The following SYNE2 variants were observed in gnomAD, a reference collection of about 807,000 sequenced individuals.
SYNE2 encodes spectrin repeat containing nuclear envelope protein 2, also known as nesprin-2.
In SYNE2, 431 loss-of-function variants were observed where a neutral mutation model predicts 856.3. The ratio of observed to expected loss-of-function variants is 0.50; its 90% CI spans 0.47 to 0.55. The LOEUF is 0.55. SYNE2 is among the 20% of genes least tolerant of loss of function. The pLI is 0.00. For synonymous variants in SYNE2, 2,923 were observed against 2,872.3 expected, an observed-to-expected ratio of 1.02 and a Z score of -0.56; for missense variants, 8,129 against 8,023.2, an observed-to-expected ratio of 1.01 and a Z score of -0.50.
chr14:64,034,350 T>A (rs1477092070), intron 45 of SYNE2: 10 of 388,884 alleles, frequency 2.6e-5, no homozygotes, highest in East Asian at 3.6e-5. Context: ...TAACACTAAT[T>A]AAATTGCTAA....
At chr14:63,974,914 A>ATATATATATATATATATATATATATG (rs1260422403) in intron 11 of SYNE2, among the ~76,000 whole-genome samples, 2 of 85,522 alleles carry the variant, frequency 2.3e-5, no homozygotes, top group Non-Finnish European at 4.6e-5. Context: ...ATATATATAT[A>ATATATATATATATATATATATATATG]TATGTATCTT....
rs550851845 is a variant in SYNE2, at chr14:63,844,192, C to T, written c.-304-8309C>T. Among the ~76,000 whole-genome samples the T allele has an allele frequency of 2.7e-4, 41 of 152,274 alleles. No homozygotes were observed. In the South Asian group the frequency reaches 8.5e-3, roughly 32 times the overall value. ...GTGCTCCATCTATTGATCCCTCCAT[C>T]CCCCCAATCCTGACAATCACTGATC... On this transcript the variant is annotated intron_variant, in intron 1 of 23. Coordinates refer to the SYNE2 transcript ENST00000674003.
Position 64,098,003 on chromosome 14 carries a change from G to A in SYNE2, c.12163G>A (p.Asp4055Asn), listed in dbSNP as rs759989118. ...QILSLNQRKE[D>N]LLVDLKATVL... ...TCTGAGTTTGAACCAGAGAAAAGAA[G>A]ACCTGTTGGTGGACTTGAAGGCCAC... Residue 4055 changes from aspartate (D) to asparagine (N), a missense_variant, in exon 62 of 116, where the codon GAC (aspartate) becomes AAC (asparagine). Around this residue, in one of 3 missense-constraint regions of SYNE2, gnomAD observed 5,410 missense variants for 5,284.8 expected, o/e 1.02. Coordinates refer to ENST00000555002, the MANE Select transcript of SYNE2 (RefSeq NM_182914.3). 1.9e-6 allele frequency: 3 copies of A among 1,614,202 alleles called. No individual in the cohort carries two copies. The Admixed American group carries it at 5.0e-5, about 27-fold the overall frequency.
At position 64,137,967 on chromosome 14, in the gene SYNE2, C is replaced by T. The variant is rs150137142; in HGVS notation, c.14827C>T (p.Leu4943Phe). The T allele has an allele frequency of 3.7e-6, 6 of 1,613,748 alleles. No homozygotes were observed. The African/African-American group carries it at 6.7e-5, about 18-fold the overall frequency. ...DHELHRLQALLKHLLSYNRDS... is the reference protein window; with the variant it reads ...DHELHRLQALFKHLLSYNRDS... ...TGAGCTCCACAGGCTGCAAGCTCTT[C>T]TCAAGCATCTGCTCAGGTCAGCCTT... Residue 4943 changes from leucine to phenylalanine, a missense_variant, in exon 79 of 116, where the codon CTC (leucine) becomes TTC (phenylalanine). Physicochemically the swap from Leu to Phe is conservative, Grantham distance 22 (BLOSUM62 0). Around this residue, in one of 3 missense-constraint regions of SYNE2, gnomAD observed 5,410 missense variants for 5,284.8 expected, o/e 1.02. Transcript: ENST00000555002.
intron 49 of SYNE2, among the ~76,000 whole-genome samples, chr14:64,060,057 C>G (rs1356164607): frequency 6.6e-6 from 1 of 152,176 alleles, no homozygotes; most frequent in Non-Finnish European, 1.5e-5. Flanking sequence ...GGACAGTGGG[C>G]TCGCTCCTCT....
intron 60 of SYNE2, among the ~76,000 whole-genome samples, chr14:64,091,446 G>C (rs903926248): frequency 4.6e-5 from 7 of 152,166 alleles, no homozygotes; most frequent in African/African-American, 7.2e-5. Flanking sequence ...TGTAGGTAGA[G>C]TAGGCACTTT....
intron 68 of SYNE2, among the ~76,000 whole-genome samples, chr14:64,121,636 A>G (rs886813605): frequency 2.0e-5 from 3 of 152,208 alleles, no homozygotes; most frequent in African/African-American, 2.4e-5. Context: ...AGCATTTACC[A>G]TAGCATCTGC....
rs2097267526 is a variant in SYNE2, at chr14:64,056,246, A to G, written c.10047A>G (p.Ala3349=). ...CAGCAATGAAGGAAGCTTTCAAAGC[A>G]CAGGAAACTGAGGCAGAAAGGTAGG... ...KNSAMKEAFK[A]QETEAERYLE... The change falls in exon 49 of 116, where the codon GCA becomes GCG. Residue 3349 remains alanine, a synonymous_variant. Coordinates refer to ENST00000555002, the MANE Select transcript of SYNE2 (RefSeq NM_182914.3). The G allele has an allele frequency of 6.2e-7, 1 of 1,614,020 alleles. No homozygotes were observed. Among genetic ancestry groups the G allele is most frequent in the South Asian group, 1.1e-5 (1 of 91,064 alleles).
At chr14:64,155,253 G>T (rs889884474) in intron 85 of SYNE2, among the ~76,000 whole-genome samples, 1 of 151,740 alleles carries the variant, frequency 6.6e-6, no homozygotes, top group African/African-American at 2.4e-5. Flanking sequence ...AGAAAACGTG[G>T]TCTATCCATA....
chr14:63,898,376 C>G (rs984864233), intron 1 of SYNE2, among the ~76,000 whole-genome samples: 2 of 151,996 alleles, frequency 1.3e-5, no homozygotes, highest in Non-Finnish European at 2.9e-5. Context: ...GGCATACTTT[C>G]GTTCATCTTG....
intron 70 of SYNE2, 163 bp downstream of exon 70, chr14:64,122,590 T>G: frequency 1.1e-6 from 1 of 871,674 alleles, no homozygotes; most frequent in Admixed American, 2.1e-5. Context: ...TTAGGAACCC[T>G]TCCTTTGTGC....
intron 1 of SYNE2, among the ~76,000 whole-genome samples, chr14:63,897,949 A>G (rs2095280105): frequency 6.6e-6 from 1 of 152,168 alleles, no homozygotes. Context: ...CAAATTCTTC[A>G]TGGAATGCAT....
intron 1 of SYNE2, among the ~76,000 whole-genome samples, chr14:63,899,344 G>A (rs1435594305): frequency 6.6e-6 from 1 of 152,120 alleles, no homozygotes; most frequent in African/African-American, 2.4e-5. Context: ...TGGGACTATA[G>A]GCGCCTGCCA....
rs1025969839 is a variant in SYNE2 at position 64,051,313 on chromosome 14, C to CT, written c.7644-233dup. ...ATTTTTGGGATACTCATTTTCTTTG[C>CT]TTTTTTTTTTTCACTCAAAGTAAAA... On this transcript the variant is annotated intron_variant, in intron 47 of 115. Transcript: ENST00000555002. Among the ~76,000 whole-genome samples, 32 of 141,718 alleles carry CT rather than the reference C, an allele frequency of 2.3e-4. 1 individual carries two copies. Among genetic ancestry groups the CT allele is most frequent in the Admixed American group, 4.2e-4 (6 of 14,240 alleles). The allele number at this position is 141,718 out of a possible 152,430, so 93.0% of individuals were successfully genotyped here.
chr14:63,836,004 A>C (rs1186769128), intron 1 of SYNE2, among the ~76,000 whole-genome samples: 1 of 148,058 alleles, frequency 6.8e-6, no homozygotes, highest in African/African-American at 2.5e-5. Flanking sequence ...AAAAAGGTGA[A>C]AATATCCAAA....
At chr14:63,829,036 A>G (rs575957585) in intron 1 of SYNE2, among the ~76,000 whole-genome samples, 101 of 152,288 alleles carry the variant, frequency 6.6e-4, no homozygotes, top group Middle Eastern at 6.8e-3. Flanking sequence ...AAAAAGACCA[A>G]CAATAAATAT....
At chr14:64,107,738 A>T (rs1017808942) in intron 65 of SYNE2, 131 bp downstream of exon 65, 4 of 803,808 alleles carry the variant, frequency 5.0e-6, no homozygotes, top group Admixed American at 3.5e-5. Context: ...ACATATGAAG[A>T]TATGTGCTGT....
intron 10 of SYNE2, among the ~76,000 whole-genome samples, chr14:63,967,012 G>A (rs1301171933): frequency 6.6e-6 from 1 of 151,978 alleles, no homozygotes; most frequent in African/African-American, 2.4e-5. Context: ...ACCACAGGCA[G>A]GTGCCACCAC....
At chr14:63,974,811 TATGTATATAC>T (rs1396244476) in intron 11 of SYNE2, among the ~76,000 whole-genome samples, 2 of 145,648 alleles carry the variant, frequency 1.4e-5, no homozygotes, top group African/African-American at 2.5e-5. Context: ...TATGTGTATA[TATGTATATAC>T]ATATGTATAT....
Sources: gnomAD v4.1 joint callset for allele counts (sites outside exome capture counted in the v4.1 genomes callset) on GRCh38, gnomAD v4.1.1 for gene constraint, gnomAD v4.1.1 regional missense constraint, MANE v1.5 for transcripts, NCBI Gene and HGNC (gene_info 2026-07-23, HGNC 2026-07-21) for gene names.